The following COL12A1 variants were observed in gnomAD, a reference collection of about 807,000 sequenced individuals.
COL12A1 encodes collagen type XII alpha 1 chain, also known as collagen alpha-1(XII) chain.
A neutral mutation model predicts 349.7 loss-of-function variants in COL12A1; 114 were observed. That is an observed-to-expected ratio of 0.33 (90% confidence interval 0.28 to 0.38). The LOEUF (loss-of-function observed/expected upper bound fraction) is 0.38, where lower values mean the gene tolerates loss of function less well. COL12A1 is among the 10% of genes least tolerant of loss of function. The pLI is 1.00. For synonymous variants in COL12A1, 1,369 were observed against 1,329.0 expected (o/e 1.03, Z -0.66); for missense variants, 3,284 against 3,756.9 (o/e 0.87, Z 3.29).
chr6:75,085,608 A>G lies in COL12A1; in HGVS notation c.*939T>C, dbSNP rs1767451802. 1 of 311,254 alleles carries G rather than the reference A, an allele frequency of 3.2e-6. No individual in the cohort carries two copies. Among genetic ancestry groups the G allele is most frequent in the African/African-American group, 2.2e-5 (1 of 46,094 alleles). 19.3% of individuals were successfully genotyped at this position (311,254 alleles called of 1,614,324 possible). Reference sequence around the variant, plus strand: ...CAGTAAACACAATCATTGCACAAATACTTGGGAAGGGTCAGAGACTGGGCC... The same window carrying G: ...CAGTAAACACAATCATTGCACAAATGCTTGGGAAGGGTCAGAGACTGGGCC... On this transcript the variant is annotated 3_prime_UTR_variant, in exon 66 of 66. Coordinates refer to ENST00000322507, the MANE Select transcript of COL12A1 (RefSeq NM_004370.6).
chr6:75,085,249 C>T lies in COL12A1; in HGVS notation c.*1298G>A, dbSNP rs1247682770. Reference sequence around the variant, plus strand: ...CAGCGCCGGTGGGGCTCAGGAGGCTCCTCTGCAGGCTCGTCTGCGCCGTAG... The same window carrying T: ...CAGCGCCGGTGGGGCTCAGGAGGCTTCTCTGCAGGCTCGTCTGCGCCGTAG... On this transcript the variant is annotated 3_prime_UTR_variant, in exon 66 of 66. Transcript: ENST00000322507. 1 of 470,754 alleles carries T rather than the reference C, an allele frequency of 2.1e-6. No homozygotes were observed. The highest frequency in any genetic ancestry group is 2.0e-5 in the African/African-American group (1 of 50,092). 29.2% of individuals were successfully genotyped at this position (470,754 alleles called of 1,614,324 possible). A position where few individuals can be genotyped will look rare whatever the true frequency, so the allele number is the denominator to read the frequency against.
chr6:75,137,275 C>G (rs866482126), intron 31 of COL12A1, among the ~76,000 whole-genome samples, 162 bp downstream of exon 31: 51 of 152,216 alleles, frequency 3.4e-4, no homozygotes, highest in Middle Eastern at 6.8e-3. Flanking sequence ...TGATGGCAAT[C>G]CACGTGGAGT....
At chr6:75,195,024 T>C (rs1411807077) in intron 2 of COL12A1, 77 bp from the exon 3 acceptor site, 9 of 775,560 alleles carry the variant, frequency 1.2e-5, no homozygotes, top group Non-Finnish European at 1.8e-5. Context: ...AGAATTGTGT[T>C]GAGCAAAGCT....
chr6:75,155,364 T>TG (rs1767699596), intron 16 of COL12A1, among the ~76,000 whole-genome samples: 1 of 152,150 alleles, frequency 6.6e-6, no homozygotes, highest in African/African-American at 2.4e-5. Context: ...AGAACATTAA[T>TG]TTCTTAAAAG....
chr6:75,176,545 G>C (rs1768969556), intron 12 of COL12A1, among the ~76,000 whole-genome samples: 1 of 152,128 alleles, frequency 6.6e-6, no homozygotes, highest in African/African-American at 2.4e-5. Context: ...GTGGGACAGA[G>C]AAGGGTGATG....
chr6:75,191,776 A>T lies in COL12A1; in HGVS notation c.335-16T>A. 1 of 1,554,220 alleles carries T rather than the reference A, an allele frequency of 6.4e-7. No homozygotes were observed. The highest frequency in any genetic ancestry group is 8.7e-7 in the Non-Finnish European group (1 of 1,148,466). ...CCTGTTTGAACTAAGTTAAAACTTT[A>T]TTATTACAAAAGGAAATGAACCCAA... On this transcript the variant is annotated splice_polypyrimidine_tract_variant and intron_variant, in intron 4 of 65. Coordinates refer to ENST00000322507, the MANE Select transcript of COL12A1 (RefSeq NM_004370.6).
chr6:75,123,201 A>G (rs1765831691), intron 43 of COL12A1, 129 bp downstream of exon 43: 1 of 871,788 alleles, frequency 1.1e-6, no homozygotes, highest in Middle Eastern at 2.3e-4. Context: ...CTTTCAATCT[A>G]AAAACTCTTC....
intron 14 of COL12A1, among the ~76,000 whole-genome samples, chr6:75,158,609 TA>T (rs1172391349): frequency 6.6e-6 from 1 of 152,110 alleles, no homozygotes. Context: ...AAAAGGATGT[TA>T]AAACACTTAT....
Position 75,143,363 on chromosome 6 carries a change from C to T in COL12A1, c.4716G>A (p.Leu1572=). Residue 1572 remains leucine, a synonymous_variant, in exon 26 of 66, where the codon CTG becomes CTA. Transcript: ENST00000322507. ...TGCTGTGAGTCACATCTCTGAGTTTCAGATCCTGAGGTCTGGGTAAAGGCA... is the reference window on the plus strand; with the variant it reads ...TGCTGTGAGTCACATCTCTGAGTTTTAGATCCTGAGGTCTGGGTAAAGGCA... ...VTLPLPRPQD[L]KLRDVTHSTM... is the part of the protein sequence containing the mutation. 6.2e-7 allele frequency: 1 copy of T among 1,613,736 alleles called. No individual in the cohort carries two copies. Among genetic ancestry groups the T allele is most frequent in the Non-Finnish European group, 8.5e-7 (1 of 1,179,902 alleles).
chr6:75,098,756 GTC>G (rs200478296), intron 58 of COL12A1, among the ~76,000 whole-genome samples: 3,110 of 152,262 alleles, frequency 0.02, 99 homozygotes, highest in African/African-American at 0.07. Context: ...GTAGTGCTCT[GTC>G]TCTCTTCAAT....
intron 65 of COL12A1, 95 bp downstream of exon 65, chr6:75,087,482 C>T: frequency 7.8e-7 from 1 of 1,277,500 alleles, no homozygotes. Flanking sequence ...TTCAAGACAT[C>T]TTCAAATCAG....
intron 49 of COL12A1, among the ~76,000 whole-genome samples, chr6:75,114,825 A>G (rs1768997956): frequency 1.3e-5 from 2 of 152,092 alleles, no homozygotes. Context: ...TTGTGAAAAA[A>G]TTATGTAATT....
intron 12 of COL12A1, among the ~76,000 whole-genome samples, chr6:75,176,468 C>T (rs576120809): frequency 4.2e-5 from 5 of 120,044 alleles, no homozygotes; most frequent in South Asian, 3.0e-4. Flanking sequence ...GGGAGCATGA[C>T]GCAGTGGGGG....
intron 24 of COL12A1, 64 bp from the exon 25 acceptor site, chr6:75,145,519 A>G (rs979111687): frequency 6.5e-7 from 1 of 1,540,910 alleles, no homozygotes; most frequent in Admixed American, 1.8e-5. Flanking sequence ...TTACCTTTGG[A>G]ATAGTCAACT....
At chr6:75,127,367 G>A (rs1157424062) in intron 38 of COL12A1, among the ~76,000 whole-genome samples, 1 of 152,154 alleles carries the variant, frequency 6.6e-6, no homozygotes, top group Non-Finnish European at 1.5e-5. Flanking sequence ...CTCTAGTCCT[G>A]CTTTTCCCTT....
rs1236499281 is a variant in COL12A1, at chr6:75,140,655, C to CAAAAAAAAAAAAAAAAAA, written c.4957+1359_4957+1376dup. Among the ~76,000 whole-genome samples, 46 of 46,126 alleles carry CAAAAAAAAAAAAAAAAAA rather than the reference C, an allele frequency of 1.0e-3. 1 individual carries two copies. The highest frequency in any genetic ancestry group is 2.3e-3 in the South Asian group (3 of 1,292). The allele number at this position is 46,126 out of a possible 152,430, so 30.3% of individuals were successfully genotyped here. A position where few individuals can be genotyped will look rare whatever the true frequency, so the allele number is the denominator to read the frequency against. ...TGGGTGACAGAGCGAGACTCTGTCT[C>CAAAAAAAAAAAAAAAAAA]AAAAAAAAAAAAAAAAAAAAAAAGC... is the stretch of plus-strand genomic sequence containing the variant. On this transcript the variant is annotated intron_variant, in intron 27 of 65. Transcript: ENST00000322507.
chr6:75,174,417 G>A (rs1238984512), intron 13 of COL12A1, among the ~76,000 whole-genome samples: 1 of 152,122 alleles, frequency 6.6e-6, no homozygotes, highest in Non-Finnish European at 1.5e-5. Context: ...TTAGCCAGGC[G>A]TGGTGGCGGG....
rs978693246 is a variant in COL12A1 at position 75,117,533 on chromosome 6, A to G, written c.7368T>C (p.Phe2456=). 1.9e-6 allele frequency: 3 copies of G among 1,613,398 alleles called. No individual in the cohort carries two copies. Among genetic ancestry groups the G allele is most frequent in the Admixed American group, 1.7e-5 (1 of 59,976 alleles). Residue 2456 remains phenylalanine, a synonymous_variant, in exon 47 of 66, where the codon TTT becomes TTC. Coordinates refer to ENST00000322507, the MANE Select transcript of COL12A1 (RefSeq NM_004370.6). ...AGTCGACATCAGCCACACCAACTAC[A>G]AAGACACTGAACCCTGCAAAGTAGC... ...LVIQQSGFSV[F]VVGVADVDYN...
intron 10 of COL12A1, 84 bp from the exon 11 acceptor site, chr6:75,181,295 G>A (rs1769276430): frequency 7.5e-7 from 1 of 1,331,866 alleles, no homozygotes; most frequent in East Asian, 2.3e-5. Flanking sequence ...TTTATAAAAT[G>A]GCTTACATTA....
Sources: gnomAD v4.1 joint callset for allele counts (sites outside exome capture counted in the v4.1 genomes callset) on GRCh38, gnomAD v4.1.1 for gene constraint, MANE v1.5 for transcripts, NCBI Gene and HGNC (gene_info 2026-07-23, HGNC 2026-07-21) for gene names.